Variants in ANKRD30A observed in about 807,000 individuals in gnomAD.
ANKRD30A encodes ankyrin repeat domain 30A.
Under a neutral mutation model 166.3 loss-of-function variants are expected in ANKRD30A, and 170 were observed. The ratio of observed to expected loss-of-function variants is 1.02; its 90% CI spans 0.90 to 1.16. ANKRD30A has a LOEUF of 1.16. Among genes scored for constraint, ANKRD30A ranks in the 50% most tolerant of loss-of-function variants. ANKRD30A has a pLI of 0.00. For missense variants in ANKRD30A, 1,630 were observed against 1,518.0 expected (o/e 1.07, Z -1.23); for synonymous variants, 564 against 508.9 (o/e 1.11, Z -1.46).
Position 37,219,548 on chromosome 10 carries a change from T to A in ANKRD30A, c.3836T>A (p.Leu1279Ter). The change falls in exon 34 of 36, where the codon TTG becomes TAG. Residue 1279 changes from leucine to a stop codon, truncating the protein, a stop_gained. Coordinates refer to ENST00000361713, the MANE Select transcript of ANKRD30A (RefSeq NM_052997.3). LOFTEE classifies it high-confidence loss of function. ...GGAGATGCTCTAAGAGAAAATACAT[T>A]GGTTTCAGAACATGCACAAAGAGAC... Reference protein sequence around the residue: ...YAGDALRENTLVSEHAQRDQR... With the variant: ...YAGDALRENT 1 of 1,610,316 alleles carries A rather than the reference T, an allele frequency of 6.2e-7. No individual in the cohort carries two copies. The highest frequency in any genetic ancestry group is 8.5e-7 in the Non-Finnish European group (1 of 1,177,686).
intron 34 of ANKRD30A, among the ~76,000 whole-genome samples, chr10:37,220,144 A>G (rs1842837538): frequency 6.7e-6 from 1 of 149,784 alleles, no homozygotes; most frequent in South Asian, 2.1e-4. Flanking sequence ...GAGTAAAGAC[A>G]TTGTGTCACT....
At chr10:37,184,003 C>T (rs559157459) in intron 24 of ANKRD30A, among the ~76,000 whole-genome samples, 3 of 151,810 alleles carry the variant, frequency 2.0e-5, no homozygotes, top group East Asian at 1.9e-4. Flanking sequence ...AAAAAATTAG[C>T]CGGACGTGGT....
rs754231282 is a variant in ANKRD30A at position 37,125,982 on chromosome 10, C to T, written c.195C>T (p.Asn65=). The T allele has an allele frequency of 6.2e-6, 10 of 1,612,136 alleles. No homozygotes were observed. Among genetic ancestry groups the T allele is most frequent in the Non-Finnish European group, 8.5e-6 (10 of 1,179,982 alleles). Residue 65 remains asparagine, a synonymous_variant, in exon 1 of 36, where the codon AAC becomes AAT. Transcript: ENST00000361713. ...EKMTKRKKTI[N]LNIQDAQKRT... is the part of the protein sequence containing the mutation. Reference sequence around the variant, plus strand: ...TGACAAAGAGGAAGAAGACCATCAACCTTAATATACAAGACGCCCAGAAGA... The same window carrying T: ...TGACAAAGAGGAAGAAGACCATCAATCTTAATATACAAGACGCCCAGAAGA...
downstream of ANKRD30A, among the ~76,000 whole-genome samples, chr10:37,235,852 C>T (rs1227207223): frequency 6.8e-6 from 1 of 146,504 alleles, no homozygotes; most frequent in Non-Finnish European, 1.5e-5. Flanking sequence ...TCACTGCAAA[C>T]TCTGCCTCCC....
At chr10:37,159,113 G>T (rs192201932) in intron 15 of ANKRD30A, among the ~76,000 whole-genome samples, 70 of 152,254 alleles carry the variant, frequency 4.6e-4, no homozygotes, top group Middle Eastern at 3.4e-3. Context: ...TTAGAAGAGT[G>T]ACTATAAAGC....
intron 34 of ANKRD30A, among the ~76,000 whole-genome samples, chr10:37,230,372 A>G (rs1009283707): frequency 6.6e-6 from 1 of 152,052 alleles, no homozygotes; most frequent in African/African-American, 2.4e-5. Context: ...ACATGATGTT[A>G]GTAAATGAAC....
At chr10:37,225,786 T>C (rs555053362) in intron 34 of ANKRD30A, among the ~76,000 whole-genome samples, 1 of 152,000 alleles carries the variant, frequency 6.6e-6, no homozygotes, top group Non-Finnish European at 1.5e-5. Flanking sequence ...TAGTATCAAA[T>C]TGATTTTCTC....
At chr10:37,132,893 T>TG (rs1052566924) in intron 4 of ANKRD30A, among the ~76,000 whole-genome samples, 1 of 151,590 alleles carries the variant, frequency 6.6e-6, no homozygotes, top group African/African-American at 2.4e-5. Flanking sequence ...AGCTACTCTG[T>TG]GGGGGGCTGA....
At chr10:37,197,666 T>A (rs563599651) in intron 29 of ANKRD30A, among the ~76,000 whole-genome samples, 186 bp downstream of exon 29, 19 of 152,198 alleles carry the variant, frequency 1.2e-4, no homozygotes, top group Middle Eastern at 3.4e-3. Flanking sequence ...ATATTTTTTT[T>A]AAAAAATGTA....
intron 31 of ANKRD30A, among the ~76,000 whole-genome samples, chr10:37,212,816 T>C (rs1251842493): frequency 6.6e-6 from 1 of 151,948 alleles, no homozygotes; most frequent in Non-Finnish European, 1.5e-5. Flanking sequence ...ATTTATTAAA[T>C]AGGGAATTAT....
Position 37,219,404 on chromosome 10 carries a change from T to G in ANKRD30A, c.3692T>G (p.Leu1231Trp). ...PAFHIAGDAC[L>W]QRKMNVDVSS... ...TTCCACATTGCAGGAGATGCTTGTTTGCAAAGAAAAATGAATGTTGATGTG... is the reference window on the plus strand; with the variant it reads ...TTCCACATTGCAGGAGATGCTTGTTGGCAAAGAAAAATGAATGTTGATGTG... Residue 1231 changes from leucine to tryptophan, a missense_variant, in exon 34 of 36, where the codon TTG becomes TGG. Around this residue, in one of 4 missense-constraint regions of ANKRD30A, gnomAD observed 712 missense variants for 629.3 expected, o/e 1.13. Coordinates refer to ENST00000361713, the MANE Select transcript of ANKRD30A (RefSeq NM_052997.3). The G allele has an allele frequency of 6.2e-7, 1 of 1,610,578 alleles. No homozygotes were observed. The highest frequency in any genetic ancestry group is 8.5e-7 in the Non-Finnish European group (1 of 1,177,788).
chr10:37,162,937 C>A lies in ANKRD30A; in HGVS notation c.2002+89C>A, dbSNP rs1839048835. 4 of 1,488,246 alleles carry A rather than the reference C, an allele frequency of 2.7e-6. No individual in the cohort carries two copies. In the Admixed American group the frequency reaches 7.9e-5, roughly 29 times the overall value. 92.2% of individuals were successfully genotyped at this position (1,488,246 alleles called of 1,614,324 possible). A position where few individuals can be genotyped will look rare whatever the true frequency, so the allele number is the denominator to read the frequency against. The stretch of plus-strand genomic sequence containing the variant: ...TCTGTACCCAATGGTTTATTTTTTT[C>A]AACTTTGATGAAAAGATTTGATCTA... On this transcript the variant is annotated intron_variant, in intron 17 of 35. Transcript: ENST00000361713.
At chr10:37,207,420 A>T (rs1414911832) in intron 31 of ANKRD30A, among the ~76,000 whole-genome samples, 1 of 152,150 alleles carries the variant, frequency 6.6e-6, no homozygotes, top group Non-Finnish European at 1.5e-5. Context: ...TGGGCTCTAA[A>T]TGATTAAATG....
In ANKRD30A at chr10:37,128,511, C is replaced by T. The variant is rs372520130; in HGVS notation, c.222-1382C>T. On this transcript the variant is annotated intron_variant, in intron 1 of 35. Transcript: ENST00000361713. ...ATTATATATAGATTTATTACATATA[C>T]GTCAATAACTACAGATTAATCATTT... Among the ~76,000 whole-genome samples the T allele has an allele frequency of 9.2e-5, 14 of 151,818 alleles. No individual in the cohort carries two copies. The East Asian group carries it at 9.6e-4, about 10-fold the overall frequency.
chr10:37,166,147 A>T lies in ANKRD30A; in HGVS notation c.2065-458A>T, dbSNP rs865859178. On this transcript the variant is annotated intron_variant, in intron 18 of 35. Transcript: ENST00000361713. ...TCTATGACAGACTCTAAAAGTTCTC[A>T]TCATGACATGCATGATTTTTAACAC... Among the ~76,000 whole-genome samples, 13 of 152,270 alleles carry T rather than the reference A, an allele frequency of 8.5e-5. 1 individual carries two copies. The highest frequency in any genetic ancestry group is 6.2e-4 in the South Asian group (3 of 4,818).
chr10:37,210,299 C>CT (rs1201151418), intron 31 of ANKRD30A, among the ~76,000 whole-genome samples: 2 of 152,066 alleles, frequency 1.3e-5, no homozygotes. Context: ...AATTCATATC[C>CT]TTTTTTATCA....
intron 24 of ANKRD30A, among the ~76,000 whole-genome samples, chr10:37,179,327 TAA>T (rs1840018727): frequency 6.6e-6 from 1 of 150,918 alleles, no homozygotes; most frequent in Admixed American, 6.6e-5. Flanking sequence ...TATTAATATT[TAA>T]AAGTCTGTTG....
chr10:37,140,634 T>G (rs1218063962), intron 6 of ANKRD30A, among the ~76,000 whole-genome samples: 1 of 152,216 alleles, frequency 6.6e-6, no homozygotes, highest in African/African-American at 2.4e-5. Flanking sequence ...TAGTAATTTG[T>G]TACAACAAGA....
chr10:37,191,823 A>G (rs1840601716), intron 25 of ANKRD30A, among the ~76,000 whole-genome samples: 1 of 151,800 alleles, frequency 6.6e-6, no homozygotes, highest in African/African-American at 2.4e-5. Context: ...GTGAAACCCC[A>G]CCTCTACTAG....
Sources: gnomAD v4.1 joint callset for allele counts (sites outside exome capture counted in the v4.1 genomes callset) on GRCh38, gnomAD v4.1.1 for gene constraint, gnomAD v4.1.1 regional missense constraint, MANE v1.5 for transcripts, NCBI Gene and HGNC (gene_info 2026-07-23, HGNC 2026-07-21) for gene names.